The following ELP1 variants were observed in gnomAD, a reference collection of about 807,000 sequenced individuals.
ELP1 encodes the protein elongator acetyltransferase complex subunit 1, also known as elongator complex protein 1.
In ELP1, 131 loss-of-function variants were observed where a neutral mutation model predicts 183.2. That is an observed-to-expected ratio of 0.72 (90% CI 0.62 to 0.83). The LOEUF (loss-of-function observed/expected upper bound fraction) is 0.83, where lower values mean the gene tolerates loss of function less well. Ranked by LOEUF, ELP1 falls within the 40% of genes least tolerant of loss-of-function variation. ELP1 has a pLI of 0.00. For synonymous variants in ELP1, 555 were observed against 569.0 expected, an observed-to-expected ratio of 0.98 and a Z score of 0.35; for missense variants, 1,550 against 1,594.9, an observed-to-expected ratio of 0.97 and a Z score of 0.48.
chr9:108,885,279 G>A (rs1019904333), intron 29 of ELP1, among the ~76,000 whole-genome samples: 3 of 151,746 alleles, frequency 2.0e-5, no homozygotes, highest in Admixed American at 1.3e-4. Flanking sequence ...TAAACCTCTG[G>A]CCAGAATAAT....
At chr9:108,888,866 C>G (rs937127106) in intron 29 of ELP1, among the ~76,000 whole-genome samples, 9 of 152,084 alleles carry the variant, frequency 5.9e-5, no homozygotes, top group Admixed American at 5.9e-4. Context: ...ATAATAAATC[C>G]TATAATACTA....
chr9:108,920,280 A>ATTTT (rs34765805), intron 6 of ELP1, among the ~76,000 whole-genome samples: 2 of 132,354 alleles, frequency 1.5e-5, no homozygotes, highest in South Asian at 2.4e-4. Flanking sequence ...CTCTCACCCA[A>ATTTT]TTTTTTTTTT....
chr9:108,918,079 T>A (rs16913693), intron 8 of ELP1, among the ~76,000 whole-genome samples: 1 of 152,168 alleles, frequency 6.6e-6, no homozygotes, highest in African/African-American at 2.4e-5. Flanking sequence ...TTTTTAAGAC[T>A]TCACCAAATG....
chr9:108,870,201 C>G (rs914978325), intron 36 of ELP1, among the ~76,000 whole-genome samples: 1 of 152,092 alleles, frequency 6.6e-6, no homozygotes, highest in Non-Finnish European at 1.5e-5. Flanking sequence ...CTCCTGGTCT[C>G]GTTCCACCCA....
intron 27 of ELP1, among the ~76,000 whole-genome samples, 188 bp downstream of exon 27, chr9:108,892,798 G>C (rs564633767): frequency 6.6e-6 from 1 of 152,156 alleles, no homozygotes; most frequent in South Asian, 2.1e-4. Context: ...AGGTGCTGTG[G>C]TATTCCAGAT....
chr9:108,891,229 A>G lies in ELP1; in HGVS notation c.3134T>C (p.Leu1045Pro). Residue 1045 changes from leucine to proline, a missense_variant, in exon 28 of 37, where the codon CTG becomes CCG. Transcript: ENST00000374647. ...AAQLNFTKDQ[L>P]VGLGRTLAGK... Reference sequence around the variant, plus strand: ...TGCCAGAGTTCTGCCGAGGCCCACCAGCTGGTCTTTGGTAAAGTTAAGCTG... The same window carrying G: ...TGCCAGAGTTCTGCCGAGGCCCACCGGCTGGTCTTTGGTAAAGTTAAGCTG... 1 of 1,614,240 alleles carries G rather than the reference A, an allele frequency of 6.2e-7. No individual in the cohort carries two copies. Among genetic ancestry groups the G allele is most frequent in the Non-Finnish European group, 8.5e-7 (1 of 1,180,030 alleles).
rs55813715 is a variant in ELP1, at chr9:108,896,942, C to T, written c.2587+11G>A. ...CCACCTTAAGCACTTTCTCTGTGAG[C>T]GGATCTCTACCTTGAAGCTCGTGTA... is the stretch of plus-strand genomic sequence containing the variant. On this transcript the variant is annotated intron_variant, in intron 24 of 36. Transcript: ENST00000374647. 77 of 1,611,384 alleles carry T rather than the reference C, an allele frequency of 4.8e-5. No homozygotes were observed. Among genetic ancestry groups the T allele is most frequent in the African/African-American group, 4.4e-4 (33 of 74,948 alleles).
In ELP1 at chr9:108,891,196, T is replaced by C; in HGVS notation, c.3160+7A>G. 1 of 1,613,768 alleles carries C rather than the reference T, an allele frequency of 6.2e-7. No individual in the cohort carries two copies. The highest frequency in any genetic ancestry group is 8.5e-7 in the Non-Finnish European group (1 of 1,179,628). On this transcript the variant is annotated splice_region_variant and intron_variant, in intron 28 of 36. Coordinates refer to ENST00000374647, the MANE Select transcript of ELP1 (RefSeq NM_003640.5). ...GTAGATGTAAACATATAAATGATTG[T>C]ACTTACCTGCCAGAGTTCTGCCGAG...
Position 108,911,003 on chromosome 9 carries a change from A to C in ELP1, c.1360+7T>G. On this transcript the variant is annotated splice_region_variant and intron_variant, in intron 12 of 36. Transcript: ENST00000374647. ...CAGAACATCTTGGCAAAAGTTTTAT[A>C]ACATACCACATTTATAAACAGAAAT... The C allele has an allele frequency of 6.2e-7, 1 of 1,613,632 alleles. No individual in the cohort carries two copies. The highest frequency in any genetic ancestry group is 8.5e-7 in the Non-Finnish European group (1 of 1,179,534).
intron 31 of ELP1, 109 bp downstream of exon 31, chr9:108,881,596 T>C (rs1827931294): frequency 1.4e-6 from 1 of 740,004 alleles, no homozygotes; most frequent in South Asian, 1.5e-5. Context: ...TTTGATTGAG[T>C]CTACATGACA....
rs200322331 is a variant in ELP1 at position 108,878,730 on chromosome 9, C to T, written c.3593G>A (p.Arg1198Gln). ...RISARSSKNR[R>Q]KAERKKHSLK... is the part of the protein sequence containing the mutation. Reference sequence around the variant, plus strand: ...GCTGTGCTTCTTCCGCTCCGCTTTTCGGCGATTCTTGGATGATCTCCTGTT... The same window carrying T: ...GCTGTGCTTCTTCCGCTCCGCTTTTTGGCGATTCTTGGATGATCTCCTGTT... Residue 1198 changes from arginine (R) to glutamine (Q), a missense_variant, in exon 34 of 37, where the codon CGA (arginine) becomes CAA (glutamine). Arg to Gln is a conservative substitution (Grantham distance 43, BLOSUM62 1). Transcript: ENST00000374647. The T allele has an allele frequency of 2.0e-5, 33 of 1,614,186 alleles. No individual in the cohort carries two copies. In the African/African-American group the frequency reaches 2.5e-4, roughly 12 times the overall value.
chr9:108,918,483 A>G (rs150408760), intron 8 of ELP1, among the ~76,000 whole-genome samples: 3 of 152,254 alleles, frequency 2.0e-5, no homozygotes, highest in Admixed American at 6.5e-5. Flanking sequence ...TTCCCTTCTA[A>G]ACACCATTTT....
intron 32 of ELP1, 70 bp downstream of exon 32, chr9:108,879,982 T>C (rs2118940290): frequency 1.0e-6 from 1 of 993,232 alleles, no homozygotes; most frequent in South Asian, 1.3e-5. Context: ...CACCAAGCAA[T>C]CTAGACAATG....
intron 10 of ELP1, among the ~76,000 whole-genome samples, chr9:108,914,376 G>A (rs1829349886): frequency 8.0e-6 from 1 of 125,188 alleles, no homozygotes; most frequent in Non-Finnish European, 1.6e-5. Flanking sequence ...CCAGCCTGGG[G>A]GAAAGAGAGA....
At position 108,891,366 on chromosome 9, in the gene ELP1, C is replaced by A. The variant is rs1288718353; in HGVS notation, c.2997G>T (p.Glu999Asp). Reference sequence around the variant, plus strand: ...TGAGCCCCGCTGGCTCATACATGTGCTCCTGCATCAGGTGCTCCCCATAAG... The same window carrying A: ...TGAGCCCCGCTGGCTCATACATGTGATCCTGCATCAGGTGCTCCCCATAAG... ...SIAYGEHLMQEHMYEPAGLMF... is the reference protein window; with the variant it reads ...SIAYGEHLMQDHMYEPAGLMF... The change falls in exon 28 of 37, where the codon GAG becomes GAT. Residue 999 changes from glutamate (E) to aspartate (D), a missense_variant. Physicochemically the swap from Glu to Asp is conservative, Grantham distance 45 (BLOSUM62 2). Coordinates refer to ENST00000374647, the MANE Select transcript of ELP1 (RefSeq NM_003640.5). The A allele has an allele frequency of 1.9e-6, 3 of 1,613,878 alleles. No individual in the cohort carries two copies. In the African/African-American group the frequency reaches 4.0e-5, roughly 22 times the overall value.
rs1308350085 is a variant in ELP1 at position 108,901,465 on chromosome 9, A to G, written c.1974T>C (p.His658=). The part of the protein sequence containing the change: ...DEFLLLTTHS[H]TCQCFCLRDA... ...CCCTCAGGCAAAAACACTGGCAGGT[A>G]TGGGAATGGGTTGTCAACAATAAAA... Residue 658 remains histidine, a synonymous_variant, in exon 18 of 37, where the codon CAT becomes CAC. Coordinates refer to ENST00000374647, the MANE Select transcript of ELP1 (RefSeq NM_003640.5). 6 of 1,613,922 alleles carry G rather than the reference A, an allele frequency of 3.7e-6. No homozygotes were observed. In the Admixed American group the frequency reaches 5.0e-5, roughly 13 times the overall value.
intron 36 of ELP1, among the ~76,000 whole-genome samples, chr9:108,871,088 A>G (rs1283248206): frequency 6.7e-6 from 1 of 149,594 alleles, no homozygotes; most frequent in East Asian, 2.0e-4. Context: ...CTCTAGCAGG[A>G]ATTTATTGTC....
rs745559487 is a variant in ELP1, at chr9:108,916,196, T to A, written c.958+8A>T. 2.5e-6 allele frequency: 4 copies of A among 1,608,744 alleles called. No individual in the cohort carries two copies. In the African/African-American group the frequency reaches 5.3e-5, roughly 22 times the overall value. On this transcript the variant is annotated splice_region_variant and intron_variant, in intron 10 of 36. Coordinates refer to ENST00000374647, the MANE Select transcript of ELP1 (RefSeq NM_003640.5). Reference sequence around the variant, plus strand: ...GGGCAGAAGGCTGGGGTACTACAGCTGTCTTACCACAGGTTTTCGGAATGG... The same window carrying A: ...GGGCAGAAGGCTGGGGTACTACAGCAGTCTTACCACAGGTTTTCGGAATGG...
rs919788630 is a variant in ELP1 at position 108,902,956 on chromosome 9, A to G, written c.1751-14T>C. 5.6e-6 allele frequency: 9 copies of G among 1,596,454 alleles called. No individual in the cohort carries two copies. In the East Asian group the frequency reaches 2.0e-4, roughly 36 times the overall value. On this transcript the variant is annotated splice_polypyrimidine_tract_variant and intron_variant, in intron 15 of 36. Coordinates refer to ENST00000374647, the MANE Select transcript of ELP1 (RefSeq NM_003640.5). ...GAGAAGGTGACTCTGCAAGATTCAC[A>G]GATCTAGTTCACAAATAGCTGATGC...
Sources: gnomAD v4.1 joint callset for allele counts (sites outside exome capture counted in the v4.1 genomes callset) on GRCh38, gnomAD v4.1.1 for gene constraint, MANE v1.5 for transcripts, NCBI Gene and HGNC (gene_info 2026-07-23, HGNC 2026-07-21) for gene names.